The following RGSL1 variants were observed in gnomAD, a reference collection of about 807,000 sequenced individuals.
RGSL1 encodes the protein regulator of G protein signaling protein-like.
A neutral mutation model predicts 124.7 loss-of-function variants in RGSL1; 97 were observed. The ratio of observed to expected loss-of-function variants is 0.78; its 90% CI spans 0.66 to 0.92. The LOEUF (loss-of-function observed/expected upper bound fraction) is 0.92. Ranked by LOEUF, RGSL1 falls within the 40% of genes least tolerant of loss-of-function variation. The pLI is 0.00. For synonymous variants in RGSL1, 424 were observed against 438.1 expected (o/e 0.97, Z 0.40); for missense variants, 1,233 against 1,288.4 (o/e 0.96, Z 0.66).
At chr1:182,509,626 C>T (rs1406957188) in intron 9 of RGSL1, among the ~76,000 whole-genome samples, 5 of 129,098 alleles carry the variant, frequency 3.9e-5, no homozygotes, top group East Asian at 5.0e-4. Flanking sequence ...TGGGCAGAGG[C>T]GCCCCTCACC....
At chr1:182,475,515 G>A in intron 6 of RGSL1, among the ~76,000 whole-genome samples, 1 of 152,166 alleles carries the variant, frequency 6.6e-6, no homozygotes, top group East Asian at 1.9e-4. Context: ...TCATTCCTAG[G>A]TATGAAGAAC....
chr1:182,553,835 C>T (rs560885300), intron 19 of RGSL1, among the ~76,000 whole-genome samples: 2 of 152,128 alleles, frequency 1.3e-5, no homozygotes, highest in Non-Finnish European at 2.9e-5. Context: ...GCTGACTCCT[C>T]TTCTCATTTC....
In RGSL1 at chr1:182,522,223, A is replaced by G. The variant is rs984977705; in HGVS notation, c.1931+114A>G. The G allele has an allele frequency of 5.6e-6, 4 of 714,918 alleles. No homozygotes were observed. In the Admixed American group the frequency reaches 1.1e-4, roughly 20 times the overall value. 44.3% of individuals were successfully genotyped at this position (714,918 alleles called of 1,614,324 possible). ...TGTGTAGGTTTTCAGACCCTTTTCC[A>G]TATACAATACATACAGGTACAGACA... On this transcript the variant is annotated intron_variant, in intron 10 of 21. Coordinates refer to ENST00000294854, the MANE Select transcript of RGSL1 (RefSeq NM_001137669.2).
chr1:182,559,504 C>T (rs1053733877), intron 21 of RGSL1, among the ~76,000 whole-genome samples: 6 of 152,150 alleles, frequency 3.9e-5, no homozygotes, highest in African/African-American at 1.4e-4. Flanking sequence ...CATCACTGGC[C>T]CTGTGAAGTC....
intron 8 of RGSL1, among the ~76,000 whole-genome samples, chr1:182,490,290 T>C (rs1244335797): frequency 1.3e-5 from 2 of 152,232 alleles, no homozygotes; most frequent in East Asian, 3.8e-4. Context: ...TCCTTCTCTC[T>C]GAACCTAATT....
At chr1:182,474,623 C>A in intron 6 of RGSL1, 81 bp downstream of exon 6, 1 of 1,444,214 alleles carries the variant, frequency 6.9e-7, no homozygotes, top group Non-Finnish European at 9.1e-7. Context: ...GTCACCTATA[C>A]TGGCTAAGTG....
At chr1:182,542,874 T>C (rs544317560) in intron 15 of RGSL1, among the ~76,000 whole-genome samples, 1 of 152,244 alleles carries the variant, frequency 6.6e-6, no homozygotes, top group East Asian at 1.9e-4. Flanking sequence ...TTGGTGTTTA[T>C]AAATGCTTCT....
At chr1:182,548,192 A>G (rs1320973239) in intron 15 of RGSL1, 125 bp from the exon 16 acceptor site, 3 of 936,516 alleles carry the variant, frequency 3.2e-6, no homozygotes, top group Non-Finnish European at 3.3e-6. Flanking sequence ...GAATGAATAA[A>G]GTCACAACCT....
intron 13 of RGSL1, among the ~76,000 whole-genome samples, 176 bp downstream of exon 13, chr1:182,531,086 T>C: frequency 1.3e-5 from 2 of 152,138 alleles, no homozygotes; most frequent in South Asian, 4.1e-4. Context: ...AACTGAGTAA[T>C]AGGTACAGGG....
intron 10 of RGSL1, among the ~76,000 whole-genome samples, chr1:182,523,753 T>A (rs1218750928): frequency 6.6e-6 from 1 of 152,194 alleles, no homozygotes; most frequent in Admixed American, 6.5e-5. Context: ...AGACACTCTG[T>A]GAGTGCTAAT....
chr1:182,505,356 G>A (rs964062510), intron 9 of RGSL1, among the ~76,000 whole-genome samples: 3 of 144,738 alleles, frequency 2.1e-5, no homozygotes, highest in Non-Finnish European at 1.5e-5. Context: ...TGTCATCATG[G>A]CCACCACTGA....
chr1:182,453,247 C>T (rs1020505232), intron 1 of RGSL1: 4 of 152,124 alleles, frequency 2.6e-5, no homozygotes, highest in African/African-American at 9.7e-5. Flanking sequence ...CCAAACCTAC[C>T]AAGTTGAAAT....
In RGSL1 at chr1:182,548,685, C is replaced by T. The variant is rs1660374405; in HGVS notation, c.2809-15C>T. 3 of 1,550,998 alleles carry T rather than the reference C, an allele frequency of 1.9e-6. No individual in the cohort carries two copies. Among genetic ancestry groups the T allele is most frequent in the Admixed American group, 3.9e-5 (2 of 50,942 alleles). Reference sequence around the variant, plus strand: ...TGGAGCCTCTGCCAGTGACAGGCTCCCACTCTGTGGGTAGGTGAATGTCCC... The same window carrying T: ...TGGAGCCTCTGCCAGTGACAGGCTCTCACTCTGTGGGTAGGTGAATGTCCC... On this transcript the variant is annotated splice_polypyrimidine_tract_variant and intron_variant, in intron 16 of 21. Coordinates refer to ENST00000294854, the MANE Select transcript of RGSL1 (RefSeq NM_001137669.2).
intron 9 of RGSL1, among the ~76,000 whole-genome samples, chr1:182,506,632 A>T (rs1415533774): frequency 6.6e-6 from 1 of 151,978 alleles, no homozygotes; most frequent in Non-Finnish European, 1.5e-5. Context: ...CTTATTTCTT[A>T]TATTTTTGTT....
intron 9 of RGSL1, among the ~76,000 whole-genome samples, chr1:182,515,560 G>GA (rs1211138829): frequency 7.1e-6 from 1 of 141,606 alleles, no homozygotes; most frequent in African/African-American, 2.6e-5. Context: ...AAAAGGGGGG[G>GA]GCGGGGTGGA....
intron 9 of RGSL1, among the ~76,000 whole-genome samples, chr1:182,500,845 A>C (rs906933317): frequency 6.6e-6 from 1 of 152,180 alleles, no homozygotes; most frequent in African/African-American, 2.4e-5. Context: ...TTGTATCCTA[A>C]AACTTTGCTG....
chr1:182,494,526 T>C (rs1655768825), intron 9 of RGSL1, among the ~76,000 whole-genome samples: 1 of 152,186 alleles, frequency 6.6e-6, no homozygotes, highest in Admixed American at 6.5e-5. Flanking sequence ...AAATTTTAAA[T>C]TATATACGTG....
intron 6 of RGSL1, among the ~76,000 whole-genome samples, chr1:182,480,973 T>C (rs1351462266): frequency 6.6e-6 from 1 of 152,164 alleles, no homozygotes; most frequent in Non-Finnish European, 1.5e-5. Flanking sequence ...CTAAGATGGA[T>C]GTTTATAGCA....
In RGSL1 at chr1:182,473,792, A is replaced by T; in HGVS notation, c.681A>T (p.Ile227=). The T allele has an allele frequency of 6.4e-7, 1 of 1,551,678 alleles. No homozygotes were observed. The highest frequency in any genetic ancestry group is 8.7e-7 in the Non-Finnish European group (1 of 1,146,962). The part of the protein sequence containing the change: ...TRLYSVCYTH[I]GGLPLNMSIK... ...TATACAGCGTTTGCTACACCCACAT[A>T]GGAGGGCTCCCTCTGAACATGAGCA... Residue 227 remains isoleucine (I), a synonymous_variant, in exon 6 of 22, where the codon ATA becomes ATT. Coordinates refer to ENST00000294854, the MANE Select transcript of RGSL1 (RefSeq NM_001137669.2).
Sources: gnomAD v4.1 joint callset for allele counts (sites outside exome capture counted in the v4.1 genomes callset) on GRCh38, gnomAD v4.1.1 for gene constraint, MANE v1.5 for transcripts, NCBI Gene and HGNC (gene_info 2026-07-23, HGNC 2026-07-21) for gene names.